MAP4K4: variants seen among roughly 807,000 people sequenced by gnomAD.
The protein encoded by MAP4K4 is HPK/GCK-like kinase HGK.
In MAP4K4, 38 loss-of-function variants were observed where a neutral mutation model predicts 189.6. The observed-to-expected ratio is 0.20, with a 90% CI of 0.15 to 0.26. MAP4K4 has a LOEUF of 0.26. MAP4K4 is among the 10% of genes least tolerant of loss of function. The pLI is 1.00. For missense variants in MAP4K4, 1,054 were observed against 1,726.9 expected (o/e 0.61, Z 6.91); for synonymous variants, 610 against 624.3 (o/e 0.98, Z 0.34).
rs758933572 is a variant in MAP4K4 at position 101,835,895 on chromosome 2, C to T, written c.695-5C>T. The T allele has an allele frequency of 1.2e-6, 2 of 1,608,812 alleles. No homozygotes were observed. Among genetic ancestry groups the T allele is most frequent in the Non-Finnish European group, 1.7e-6 (2 of 1,175,362 alleles). Reference sequence around the variant, plus strand: ...CATACTGACACGACCGTCTCCTCTCCCCAGCTCTCTGTGACATGCATCCAA... The same window carrying T: ...CATACTGACACGACCGTCTCCTCTCTCCAGCTCTCTGTGACATGCATCCAA... On this transcript the variant is annotated splice_region_variant and splice_polypyrimidine_tract_variant and intron_variant, in intron 8 of 32. Coordinates refer to ENST00000324219, the Ensembl canonical transcript of MAP4K4.
chr2:101,816,359 A>T (rs2095714760), intron 3 of MAP4K4, among the ~76,000 whole-genome samples: 1 of 152,106 alleles, frequency 6.6e-6, no homozygotes, highest in Non-Finnish European at 1.5e-5. Context: ...GAGTGCATGG[A>T]TGAATCCAGC....
At chr2:101,865,957 C>T (rs2097797019) in intron 18 of MAP4K4, among the ~76,000 whole-genome samples, 1 of 152,220 alleles carries the variant, frequency 6.6e-6, no homozygotes, top group Non-Finnish European at 1.5e-5. Flanking sequence ...TCCATCCCAG[C>T]TCATGCTTTC....
intron 13 of MAP4K4, 94 bp from the exon 14 acceptor site, chr2:101,858,902 G>T: frequency 1.2e-6 from 1 of 815,108 alleles, no homozygotes; most frequent in Non-Finnish European, 2.0e-6. Flanking sequence ...GTCACTAAAG[G>T]TGATTGGAGC....
intron 2 of MAP4K4, among the ~76,000 whole-genome samples, chr2:101,779,882 A>G (rs1313582405): frequency 2.6e-5 from 4 of 152,032 alleles, no homozygotes. Flanking sequence ...AGCATAGGCA[A>G]ATTAAGAGCT....
chr2:101,845,085 A>G (rs1183064342), intron 12 of MAP4K4, among the ~76,000 whole-genome samples: 2 of 152,102 alleles, frequency 1.3e-5, no homozygotes, highest in Non-Finnish European at 2.9e-5. Flanking sequence ...GAGGCAAAGA[A>G]GGACCCTTCC....
At chr2:101,885,121 A>C in intron 28 of MAP4K4, 66 bp from the exon 29 acceptor site, 1 of 748,916 alleles carries the variant, frequency 1.3e-6, no homozygotes, top group Non-Finnish European at 2.2e-6. Context: ...GACAACTAAA[A>C]CAGTTTAGAG....
At chr2:101,869,451 T>C (rs1381571497) in intron 21 of MAP4K4, among the ~76,000 whole-genome samples, 171 bp from the exon 22 acceptor site, 1 of 152,048 alleles carries the variant, frequency 6.6e-6, no homozygotes, top group Non-Finnish European at 1.5e-5. Flanking sequence ...CTCTTGACTT[T>C]ATTTGGTCTT....
At chr2:101,737,053 G>A (rs2060528436) in intron 2 of MAP4K4, among the ~76,000 whole-genome samples, 1 of 152,172 alleles carries the variant, frequency 6.6e-6, no homozygotes, top group Admixed American at 6.5e-5. Context: ...ATTATGAAAA[G>A]TTAGTCATTA....
chr2:101,834,757 T>G (rs72991220), intron 8 of MAP4K4, among the ~76,000 whole-genome samples: 3,179 of 152,356 alleles, frequency 0.021, 70 homozygotes, highest in African/African-American at 0.051. Flanking sequence ...GTAGTAAGTT[T>G]TCTTTTTACA....
chr2:101,737,535 G>A (rs1276082785), intron 2 of MAP4K4, among the ~76,000 whole-genome samples: 9 of 136,492 alleles, frequency 6.6e-5, no homozygotes, highest in Non-Finnish European at 1.4e-4. Flanking sequence ...TGTGAGATTG[G>A]GAAATGTTAC....
chr2:101,822,411 A>G (rs1164397368), intron 3 of MAP4K4, among the ~76,000 whole-genome samples: 2 of 152,220 alleles, frequency 1.3e-5, no homozygotes, highest in Admixed American at 6.5e-5. Flanking sequence ...TCCAATGTTT[A>G]TATTTCGGAA....
rs1453758874 is a variant in MAP4K4 at position 101,713,725 on chromosome 2, T to G, written c.123+15187T>G. ...GCCTCACCAGCATGGCGAAACCCCG[T>G]CTCTACTAAAAATACAAAAATTAGA... On this transcript the variant is annotated intron_variant, in intron 2 of 32. Coordinates refer to ENST00000324219, the Ensembl canonical transcript of MAP4K4. 2.7e-5 allele frequency among the ~76,000 whole-genome samples: 4 copies of G among 149,166 alleles called. No individual in the cohort carries two copies. In the Admixed American group the frequency reaches 2.7e-4, roughly 10 times the overall value.
intron 2 of MAP4K4, among the ~76,000 whole-genome samples, chr2:101,720,261 C>T (rs941191295): frequency 2.0e-5 from 3 of 151,108 alleles, no homozygotes; most frequent in African/African-American, 4.9e-5. Context: ...GCAACTTCCA[C>T]CTCCCAGGTT....
At position 101,864,826 on chromosome 2, in the gene MAP4K4, G is replaced by A. The variant is rs189899318; in HGVS notation, c.2098-104G>A. 9.1e-4 allele frequency: 673 copies of A among 740,760 alleles called. 5 individuals carry two copies. In the African/African-American group the frequency reaches 0.01, roughly 11 times the overall value. 45.9% of individuals were successfully genotyped at this position (740,760 alleles called of 1,614,324 possible). ...GGGAGTGGAGGTGATAGGAAGGACT[G>A]CTTTTAAATATTAGGACTGCTTTAA... On this transcript the variant is annotated intron_variant, in intron 17 of 32. Transcript: ENST00000324219.
intron 2 of MAP4K4, among the ~76,000 whole-genome samples, chr2:101,765,166 G>A (rs1413733950): frequency 6.6e-6 from 1 of 151,870 alleles, no homozygotes; most frequent in Non-Finnish European, 1.5e-5. Context: ...TGGAATCAAA[G>A]GGGGATTTGA....
chr2:101,867,229 G>T, exon 20 of MAP4K4: 1 of 1,603,730 alleles, frequency 6.2e-7, no homozygotes, highest in Non-Finnish European at 8.5e-7. Context: ...CAAGTCTGAA[G>T]GCTCTCCATC....
intron 6 of MAP4K4, among the ~76,000 whole-genome samples, chr2:101,830,366 A>T (rs1352643928): frequency 6.6e-6 from 1 of 152,166 alleles, no homozygotes; most frequent in African/African-American, 2.4e-5. Flanking sequence ...GGAGTTACTC[A>T]CAAGGGTTCT....
intron 2 of MAP4K4, among the ~76,000 whole-genome samples, chr2:101,726,894 T>G (rs1051110305): frequency 6.6e-6 from 1 of 152,180 alleles, no homozygotes; most frequent in Non-Finnish European, 1.5e-5. Context: ...AGTTCAAGAA[T>G]AAGGGACCAA....
chr2:101,776,956 T>C (rs1195403893), intron 2 of MAP4K4, among the ~76,000 whole-genome samples: 1 of 152,198 alleles, frequency 6.6e-6, no homozygotes, highest in East Asian at 1.9e-4. Context: ...TTTCTGACTA[T>C]TGTCCTTATA....
Sources: allele counts gnomAD v4.1 joint callset (sites outside exome capture counted in the v4.1 genomes callset), GRCh38; gene constraint gnomAD v4.1.1; transcripts MANE v1.5; gene names NCBI Gene and HGNC (gene_info 2026-07-23, HGNC 2026-07-21).